PCDHA4: variants seen among roughly 807,000 people sequenced by gnomAD.
The protein encoded by PCDHA4 is protocadherin alpha 4.
PCDHA4 carries 49 observed loss-of-function variants against 61.4 expected under a neutral mutation model. The observed-to-expected ratio is 0.80, with a 90% CI of 0.63 to 1.01. The LOEUF is 1.01. Among genes scored for constraint, PCDHA4 ranks in the 50% least tolerant of loss-of-function variants. The probability of loss-of-function intolerance (pLI) is 0.00; values close to 1 mark genes in which losing one functional copy is unlikely to be tolerated. For synonymous variants in PCDHA4, 590 were observed against 550.3 expected, an observed-to-expected ratio of 1.07 and a Z score of -1.01; for missense variants, 1,254 against 1,235.8, an observed-to-expected ratio of 1.01 and a Z score of -0.22.
At chr5:140,952,449 G>C (rs549255236) in intron 1 of PCDHA4, among the ~76,000 whole-genome samples, 1 of 152,242 alleles carries the variant, frequency 6.6e-6, no homozygotes. Context: ...AATACAGCCA[G>C]GCTCTTTGCT....
At chr5:140,841,520 G>T (rs1777298038) in intron 1 of PCDHA4, 2 of 1,613,470 alleles carry the variant, frequency 1.2e-6, no homozygotes, top group East Asian at 2.2e-5. Flanking sequence ...GTTCCGGGTG[G>T]CGTCCAAAAG....
chr5:140,933,300 A>G (rs541308392), intron 1 of PCDHA4, among the ~76,000 whole-genome samples: 41 of 152,132 alleles, frequency 2.7e-4, no homozygotes, highest in African/African-American at 9.4e-4. Context: ...ATCTGGAAAT[A>G]AATATGCAAT....
At chr5:140,934,319 A>G (rs1292813425) in intron 1 of PCDHA4, among the ~76,000 whole-genome samples, 1 of 152,146 alleles carries the variant, frequency 6.6e-6, no homozygotes, top group Non-Finnish European at 1.5e-5. Context: ...CAAATGTCCA[A>G]TCATGAATGT....
At chr5:140,822,662 C>A in intron 1 of PCDHA4, 1 of 1,608,488 alleles carries the variant, frequency 6.2e-7, no homozygotes, top group Non-Finnish European at 8.5e-7. Flanking sequence ...ATAATTAATT[C>A]TAATACTGGT....
At chr5:140,986,031 G>A (rs1443664535) in intron 3 of PCDHA4, among the ~76,000 whole-genome samples, 5 of 152,198 alleles carry the variant, frequency 3.3e-5, no homozygotes, top group South Asian at 2.1e-4. Flanking sequence ...GAGCCACTGC[G>A]CCTGGCCTCA....
intron 1 of PCDHA4, chr5:140,875,983 G>A: frequency 6.2e-7 from 1 of 1,613,992 alleles, no homozygotes; most frequent in Non-Finnish European, 8.5e-7. Context: ...TTTGACCTAT[G>A]CGTTAAGTCT....
chr5:140,876,476 T>G, intron 1 of PCDHA4: 1 of 1,614,036 alleles, frequency 6.2e-7, no homozygotes, highest in Non-Finnish European at 8.5e-7. Context: ...GGTCACAGCA[T>G]GGTCCTGGTG....
chr5:140,974,322 G>A (rs11743888), intron 1 of PCDHA4, among the ~76,000 whole-genome samples: 7,497 of 152,260 alleles, frequency 0.049, 207 homozygotes, highest in Middle Eastern at 0.068. Flanking sequence ...GAGAGTAGCT[G>A]CTGTGCTAGC....
chr5:140,881,241 T>C, intron 1 of PCDHA4: 1 of 382,456 alleles, frequency 2.6e-6, no homozygotes, highest in Non-Finnish European at 3.6e-6. Context: ...TCAATTTAAA[T>C]GACGGCAAGG....
chr5:140,828,622 C>T lies in PCDHA4; in HGVS notation c.2385+19050C>T. 7.4e-6 allele frequency: 12 copies of T among 1,614,144 alleles called. 1 individual carries two copies. In the South Asian group the frequency reaches 1.3e-4, roughly 18 times the overall value. On this transcript the variant is annotated intron_variant, in intron 1 of 3. Transcript: ENST00000530339. ...CCTATAAACTCAGTTCTAGCGAATA[C>T]TTCGGGCTAGATGTGAAAATAAACA...
intron 1 of PCDHA4, among the ~76,000 whole-genome samples, chr5:140,949,557 T>C (rs955949496): frequency 6.6e-6 from 1 of 151,888 alleles, no homozygotes; most frequent in Non-Finnish European, 1.5e-5. Flanking sequence ...CTGGTCATAC[T>C]TTTTTTCTTG....
intron 1 of PCDHA4, chr5:140,867,192 C>T (rs2049812222): frequency 1.3e-5 from 2 of 152,080 alleles, no homozygotes; most frequent in African/African-American, 4.8e-5. Flanking sequence ...CGCAAGACTC[C>T]ACATTCCATG....
intron 1 of PCDHA4, among the ~76,000 whole-genome samples, chr5:140,873,773 G>A (rs1554166889): frequency 6.6e-6 from 1 of 152,120 alleles, no homozygotes; most frequent in Non-Finnish European, 1.5e-5. Context: ...CAATTCTCCT[G>A]CCTCAGCTTT....
chr5:140,983,207 T>A (rs999147697), intron 3 of PCDHA4, among the ~76,000 whole-genome samples: 1 of 152,236 alleles, frequency 6.6e-6, no homozygotes, highest in Non-Finnish European at 1.5e-5. Flanking sequence ...TAATAGGGAC[T>A]ATTTCCTAAT....
chr5:140,829,810 T>G (rs144082627), intron 1 of PCDHA4: 1 of 1,613,750 alleles, frequency 6.2e-7, no homozygotes, highest in African/African-American at 1.3e-5. Flanking sequence ...TGGGTGGTAC[T>G]GGTGGTGCAG....
chr5:140,823,977 C>A, intron 1 of PCDHA4: 3 of 1,614,044 alleles, frequency 1.9e-6, no homozygotes, highest in South Asian at 2.2e-5. Context: ...GCACACGGGG[C>A]AAGCCCACTC....
At chr5:140,902,687 T>C (rs552973135) in intron 1 of PCDHA4, among the ~76,000 whole-genome samples, 184 of 152,262 alleles carry the variant, frequency 1.2e-3, no homozygotes, top group African/African-American at 4.2e-3. Context: ...GTACCTAATA[T>C]GTGTAGTCTT....
At chr5:140,830,405 T>C (rs1771047305) in intron 1 of PCDHA4, 3 of 1,614,172 alleles carry the variant, frequency 1.9e-6, no homozygotes, top group Non-Finnish European at 2.5e-6. Context: ...TCTCATGGCC[T>C]TTAGCCCCAG....
At chr5:140,990,988 C>A (rs1332573282) in intron 3 of PCDHA4, among the ~76,000 whole-genome samples, 5 of 152,184 alleles carry the variant, frequency 3.3e-5, no homozygotes, top group Admixed American at 6.5e-5. Flanking sequence ...AAGACAATAG[C>A]TACCATTTAT....
Sources: allele counts gnomAD v4.1 joint callset (sites outside exome capture counted in the v4.1 genomes callset), GRCh38; gene constraint gnomAD v4.1.1; transcripts MANE v1.5; gene names NCBI Gene and HGNC (gene_info 2026-07-23, HGNC 2026-07-21).